The following NFIB variants were observed in gnomAD, a reference collection of about 807,000 sequenced individuals.
The protein encoded by NFIB is nuclear factor I B.
In NFIB, 11 loss-of-function variants were observed where a neutral mutation model predicts 61.5. The ratio of observed to expected loss-of-function variants is 0.18; its 90% CI spans 0.11 to 0.30. NFIB has a LOEUF of 0.30. Ranked by LOEUF, NFIB falls within the 10% of genes least tolerant of loss-of-function variation. The probability of loss-of-function intolerance (pLI) is 1.00; values close to 1 mark genes in which losing one functional copy is unlikely to be tolerated. For missense variants in NFIB, 471 were observed against 608.9 expected (o/e 0.77, Z 2.38); for synonymous variants, 260 against 216.5 (o/e 1.20, Z -1.76).
chr9:14,178,809 C>T (rs1026548766), intron 3 of NFIB, among the ~76,000 whole-genome samples: 5 of 152,104 alleles, frequency 3.3e-5, no homozygotes, highest in Non-Finnish European at 7.4e-5. Context: ...CAAGGAAGAT[C>T]AAACGATGGA....
chr9:14,439,107 G>A, the NFIB span, among the ~76,000 whole-genome samples: 11 of 151,690 alleles, frequency 7.3e-5, no homozygotes, highest in Non-Finnish European at 1.2e-4. Context: ...GTTGTGGCTC[G>A]TGCCTAAAAT....
intron 2 of NFIB, among the ~76,000 whole-genome samples, chr9:14,277,397 A>T (rs886909009): frequency 6.6e-6 from 1 of 152,132 alleles, no homozygotes; most frequent in Non-Finnish European, 1.5e-5. Context: ...CATTTGGAAG[A>T]ATCTCCAGAA....
chr9:14,364,104 G>A (rs2061272557), intron 1 of NFIB, among the ~76,000 whole-genome samples: 1 of 152,174 alleles, frequency 6.6e-6, no homozygotes, highest in African/African-American at 2.4e-5. Flanking sequence ...CAAAGGGTAT[G>A]AGTATTTCAT....
intron 10 of NFIB, among the ~76,000 whole-genome samples, chr9:14,107,870 AT>A (rs1023021963): frequency 7.6e-4 from 115 of 152,168 alleles, no homozygotes; most frequent in African/African-American, 2.7e-3. Flanking sequence ...AAAGAAGATA[AT>A]TTTTTCCTTG....
intron 1 of NFIB, among the ~76,000 whole-genome samples, chr9:14,396,510 T>C (rs973305341): frequency 6.6e-6 from 1 of 152,026 alleles, no homozygotes; most frequent in Non-Finnish European, 1.5e-5. Flanking sequence ...TTTGGTGTAT[T>C]ATAGGCTATA....
At chr9:14,427,937 G>GTTGTTTTTTTTTTTTTTTTTTTTTTTTTT in the NFIB span, among the ~76,000 whole-genome samples, 1 of 43,384 alleles carries the variant, frequency 2.3e-5, no homozygotes, top group Admixed American at 3.5e-4. Context: ...TAATTCAGTT[G>GTTGTTTTTTTTTTTTTTTTTTTTTTTTTT]TTTTTTTTTT....
At chr9:14,423,082 T>TGCCAGTAG in the NFIB span, among the ~76,000 whole-genome samples, 2 of 152,236 alleles carry the variant, frequency 1.3e-5, no homozygotes, top group African/African-American at 4.8e-5. Flanking sequence ...TATGCCCACA[T>TGCCAGTAG]GCCAGTAGCA....
At chr9:14,354,409 C>T (rs138226347) in intron 1 of NFIB, among the ~76,000 whole-genome samples, 1,761 of 152,310 alleles carry the variant, frequency 0.012, 13 homozygotes, top group Middle Eastern at 0.037. Context: ...CTAAGTGTTA[C>T]ATGTGGTAGG....
At position 14,120,777 on chromosome 9, in the gene NFIB, T is replaced by C. The variant is rs1316163643; in HGVS notation, c.1061-153A>G. On this transcript the variant is annotated intron_variant, in intron 7 of 10. Transcript: ENST00000380953. This position sits in a 1 kb window ranked among gnomAD's most constrained non-coding sequence, Gnocchi z 4.4. ...AGCTCTCCTAAATCAACAGTTACTT[T>C]TTCATTTTTATTCTCAACACCAGTA... Among the ~76,000 whole-genome samples, 1 of 152,174 alleles carries C rather than the reference T, an allele frequency of 6.6e-6. No individual in the cohort carries two copies. Among genetic ancestry groups the C allele is most frequent in the Non-Finnish European group, 1.5e-5 (1 of 68,024 alleles).
At chr9:14,516,462 C>G in the NFIB span, among the ~76,000 whole-genome samples, 1 of 152,102 alleles carries the variant, frequency 6.6e-6, no homozygotes, top group Non-Finnish European at 1.5e-5. Flanking sequence ...TTGTGTTTCT[C>G]TGTTATCTCA....
chr9:14,179,373 T>C (rs1695779285), intron 3 of NFIB, among the ~76,000 whole-genome samples: 4 of 152,282 alleles, frequency 2.6e-5, no homozygotes, highest in Non-Finnish European at 2.9e-5. Flanking sequence ...AATTGCAGTA[T>C]GGAAATTTTT....
chr9:14,222,588 A>G (rs1178049016), intron 2 of NFIB, among the ~76,000 whole-genome samples: 1 of 152,056 alleles, frequency 6.6e-6, no homozygotes, highest in Non-Finnish European at 1.5e-5. Context: ...GGCTCAGTTG[A>G]GCCTAGGAGT....
At chr9:14,398,279 C>T (rs2061707470) in intron 1 of NFIB, among the ~76,000 whole-genome samples, 1 of 152,024 alleles carries the variant, frequency 6.6e-6, no homozygotes, top group African/African-American at 2.4e-5. Context: ...GTTTCTTTTC[C>T]CCGAAACATC....
intron 1 of NFIB, among the ~76,000 whole-genome samples, chr9:14,343,671 T>C (rs598296): frequency 0.73 from 110,560 of 151,674 alleles, 40,473 homozygotes; most frequent in Middle Eastern, 0.81. Flanking sequence ...TTTATTAAAG[T>C]TTGGTGGAGA....
At chr9:14,509,131 T>G in the NFIB span, among the ~76,000 whole-genome samples, 4 of 152,228 alleles carry the variant, frequency 2.6e-5, no homozygotes, top group African/African-American at 9.6e-5. Flanking sequence ...GACACTGATG[T>G]TGGTGGTGAC....
chr9:14,203,304 G>C (rs2049264648), intron 2 of NFIB, among the ~76,000 whole-genome samples: 2 of 152,144 alleles, frequency 1.3e-5, no homozygotes, highest in East Asian at 3.9e-4. Context: ...CCTCAAAAAA[G>C]CCCCTCAAAT....
At chr9:14,159,584 C>T (rs1425324959) in intron 3 of NFIB, among the ~76,000 whole-genome samples, 2 of 152,176 alleles carry the variant, frequency 1.3e-5, no homozygotes, top group African/African-American at 4.8e-5. Flanking sequence ...TCTCTGCAGG[C>T]AGCATAGCCT....
At chr9:14,127,514 A>G (rs1454328979) in intron 6 of NFIB, among the ~76,000 whole-genome samples, 1 of 152,196 alleles carries the variant, frequency 6.6e-6, no homozygotes, top group Admixed American at 6.5e-5. Context: ...CAGATATCAT[A>G]TAACTTTGCT....
At chr9:14,384,606 G>A (rs1325971951) in intron 1 of NFIB, among the ~76,000 whole-genome samples, 1 of 152,178 alleles carries the variant, frequency 6.6e-6, no homozygotes, top group Non-Finnish European at 1.5e-5. Context: ...TGACTACGTT[G>A]AAGGTTAATA....
Sources: gnomAD v4.1 joint callset for allele counts (sites outside exome capture counted in the v4.1 genomes callset) on GRCh38, gnomAD v4.1.1 for gene constraint, Gnocchi (gnomAD v3.1) non-coding constraint, MANE v1.5 for transcripts, NCBI Gene and HGNC (gene_info 2026-07-23, HGNC 2026-07-21) for gene names.